Variants in ZNF680 observed in about 807,000 individuals in gnomAD.
ZNF680 encodes the protein zinc finger protein 680.
ZNF680 carries 6 observed loss-of-function variants against 12.1 expected under a neutral mutation model. That is an observed-to-expected ratio of 0.49 (90% CI 0.27 to 0.98). The LOEUF (loss-of-function observed/expected upper bound fraction) is 0.98. Ranked by LOEUF, ZNF680 falls within the 50% of genes least tolerant of loss-of-function variation. ZNF680 has a pLI of 0.12. For missense variants in ZNF680, 561 were observed against 616.3 expected (o/e 0.91, Z 0.95); for synonymous variants, 170 against 199.3 (o/e 0.85, Z 1.24).
At chr7:64,543,347 A>T (rs939921243) in intron 3 of ZNF680, among the ~76,000 whole-genome samples, 2 of 152,200 alleles carry the variant, frequency 1.3e-5, no homozygotes, top group African/African-American at 2.4e-5. Context: ...CACATTTCAG[A>T]CGTGATGTAG....
At chr7:64,529,228 C>G (rs1785732729) in intron 3 of ZNF680, among the ~76,000 whole-genome samples, 1 of 152,192 alleles carries the variant, frequency 6.6e-6, no homozygotes, top group African/African-American at 2.4e-5. Context: ...AAAAAACCAA[C>G]TCTGGTAATA....
At chr7:64,554,533 G>A (rs1465691975) in intron 1 of ZNF680, among the ~76,000 whole-genome samples, 4 of 152,228 alleles carry the variant, frequency 2.6e-5, no homozygotes, top group Admixed American at 6.5e-5. Context: ...TGACAATGGC[G>A]GTTTTTGTCG....
the ZNF680 span, among the ~76,000 whole-genome samples, chr7:64,504,923 G>T: frequency 6.6e-6 from 1 of 152,194 alleles, no homozygotes; most frequent in African/African-American, 2.4e-5. Flanking sequence ...TAAATTGAGA[G>T]ACTAGATTTG....
intron 1 of ZNF680, among the ~76,000 whole-genome samples, chr7:64,545,705 G>C (rs1786752621): frequency 6.6e-6 from 1 of 152,142 alleles, no homozygotes; most frequent in Non-Finnish European, 1.5e-5. Flanking sequence ...TCTTTCTTCA[G>C]CACCCTAGAA....
chr7:64,512,673 G>A, the ZNF680 span, among the ~76,000 whole-genome samples: 1 of 151,838 alleles, frequency 6.6e-6, no homozygotes, highest in Non-Finnish European at 1.5e-5. Flanking sequence ...AATAAAAACT[G>A]TATTTCTAGC....
At chr7:64,553,271 A>G (rs951679918) in intron 1 of ZNF680, among the ~76,000 whole-genome samples, 2 of 152,154 alleles carry the variant, frequency 1.3e-5, no homozygotes. Flanking sequence ...AGCTACACCT[A>G]GATTAATATG....
rs577212079 is a variant in ZNF680 at position 64,523,684 on chromosome 7, C to T, written c.254-1184G>A. 2.5e-4 allele frequency among the ~76,000 whole-genome samples: 38 copies of T among 152,058 alleles called. No individual in the cohort carries two copies. In the South Asian group the frequency reaches 3.3e-3, roughly 13 times the overall value. ...ATCCCAGCACTTTGGGAGGCCGAGG[C>T]GGGCGGATCACGAGGTCAGAAGATT... On this transcript the variant is annotated intron_variant, in intron 3 of 3. Transcript: ENST00000309683.
chr7:64,562,114 C>T (rs1177407789), intron 1 of ZNF680, among the ~76,000 whole-genome samples: 1 of 151,202 alleles, frequency 6.6e-6, no homozygotes, highest in African/African-American at 2.4e-5. Flanking sequence ...CGCCTGTAAT[C>T]CCAGCTACTC....
chr7:64,541,775 C>G lies in ZNF680; in HGVS notation c.253+1932G>C, dbSNP rs549963081. Among the ~76,000 whole-genome samples, 82 of 152,302 alleles carry G rather than the reference C, an allele frequency of 5.4e-4. 1 individual carries two copies. Among genetic ancestry groups the G allele is most frequent in the African/African-American group, 1.8e-3 (75 of 41,570 alleles). The stretch of plus-strand genomic sequence containing the variant: ...CTCCCAGCCACAGTCTGGGAGAGAC[C>G]GTGCCCTTCCAGAGGCCTGGAGGAA... On this transcript the variant is annotated intron_variant, in intron 3 of 3. Coordinates refer to ENST00000309683, the MANE Select transcript of ZNF680 (RefSeq NM_178558.5).
chr7:64,556,908 T>C (rs908599522), intron 1 of ZNF680, among the ~76,000 whole-genome samples: 1 of 152,218 alleles, frequency 6.6e-6, no homozygotes, highest in Non-Finnish European at 1.5e-5. Context: ...TAAAATATGC[T>C]TCTGACAAAG....
the ZNF680 span, among the ~76,000 whole-genome samples, chr7:64,504,640 C>A: frequency 6.6e-6 from 1 of 152,176 alleles, no homozygotes; most frequent in South Asian, 2.1e-4. Context: ...ATACAGCATT[C>A]TCAGTGCCCA....
At chr7:64,514,510 A>C in the ZNF680 span, among the ~76,000 whole-genome samples, 1 of 152,166 alleles carries the variant, frequency 6.6e-6, no homozygotes, top group African/African-American at 2.4e-5. Flanking sequence ...ATGTTCTCCA[A>C]TGCAGGTTTC....
intron 3 of ZNF680, among the ~76,000 whole-genome samples, chr7:64,541,923 A>AGG (rs1786527613): frequency 6.6e-6 from 1 of 152,132 alleles, no homozygotes; most frequent in Non-Finnish European, 1.5e-5. Flanking sequence ...TCTGCCTATA[A>AGG]AGGAACCCAC....
At chr7:64,507,817 T>A in the ZNF680 span, among the ~76,000 whole-genome samples, 1 of 144,810 alleles carries the variant, frequency 6.9e-6, no homozygotes, top group Non-Finnish European at 1.5e-5. Flanking sequence ...ATCTTAAAAT[T>A]CCAGGAAACA....
chr7:64,505,772 C>CTTTT, the ZNF680 span, among the ~76,000 whole-genome samples: 1 of 137,594 alleles, frequency 7.3e-6, no homozygotes, highest in Admixed American at 7.2e-5. Context: ...AAATTAGACT[C>CTTTT]CTTTTTTTTT....
intron 3 of ZNF680, 146 bp downstream of exon 3, chr7:64,543,561 G>C: frequency 1.6e-6 from 1 of 631,652 alleles, no homozygotes; most frequent in Admixed American, 2.9e-5. Flanking sequence ...CCCTATGTGA[G>C]AGCAAGAGAA....
intron 1 of ZNF680, 109 bp downstream of exon 1, chr7:64,562,816 C>G: frequency 7.6e-7 from 1 of 1,312,152 alleles, no homozygotes; most frequent in Admixed American, 1.8e-5. Context: ...CAACTCGGGC[C>G]GCGGATTTTG....
Position 64,521,215 on chromosome 7 carries a change from A to G in ZNF680, c.1539T>C (p.Thr513=). ...TTTCAGGTTTGTAGAGTTTCTCACCAGTATGAATTTTCTTATGTCTAGTAA... is the reference window on the plus strand; with the variant it reads ...TTTCAGGTTTGTAGAGTTTCTCACCGGTATGAATTTTCTTATGTCTAGTAA... ...SHLTRHKKIH[T]GEKLYKPEKC... is the part of the protein sequence containing the mutation. The change falls in exon 4 of 4, where the codon ACT becomes ACC. Residue 513 remains threonine, a synonymous_variant. Transcript: ENST00000309683. 2 of 1,613,384 alleles carry G rather than the reference A, an allele frequency of 1.2e-6. No individual in the cohort carries two copies. The highest frequency in any genetic ancestry group is 1.7e-6 in the Non-Finnish European group (2 of 1,179,504).
At chr7:64,513,558 T>G in the ZNF680 span, among the ~76,000 whole-genome samples, 1 of 152,118 alleles carries the variant, frequency 6.6e-6, no homozygotes, top group Admixed American at 6.5e-5. Context: ...TAGTTAAAAT[T>G]GAAGAAAATT....
Sources: gnomAD v4.1 joint callset for allele counts (sites outside exome capture counted in the v4.1 genomes callset) on GRCh38, gnomAD v4.1.1 for gene constraint, MANE v1.5 for transcripts, NCBI Gene and HGNC (gene_info 2026-07-23, HGNC 2026-07-21) for gene names.